The following SLC22A3 variants were observed in gnomAD, a reference collection of about 807,000 sequenced individuals.
SLC22A3 encodes solute carrier family 22 member 3.
Under a neutral mutation model 59.1 loss-of-function variants are expected in SLC22A3, and 51 were observed. That is an observed-to-expected ratio of 0.86 (90% CI 0.69 to 1.09). The LOEUF is 1.09. Ranked by LOEUF, SLC22A3 falls within the 50% of genes least tolerant of loss-of-function variation. The probability of loss-of-function intolerance (pLI) is 0.00; values close to 1 mark genes in which losing one functional copy is unlikely to be tolerated. For missense variants in SLC22A3, 711 were observed against 726.3 expected, an observed-to-expected ratio of 0.98 and a Z score of 0.24; for synonymous variants, 325 against 292.0, an observed-to-expected ratio of 1.11 and a Z score of -1.15.
chr6:160,424,446 C>G (rs2114890100), intron 5 of SLC22A3, among the ~76,000 whole-genome samples: 1 of 152,302 alleles, frequency 6.6e-6, no homozygotes, highest in African/African-American at 2.4e-5. Context: ...ATTAATCAGA[C>G]ATCCTCATAC....
intron 1 of SLC22A3, 99 bp downstream of exon 1, chr6:160,348,947 G>A (rs927496469): frequency 1.3e-6 from 2 of 1,529,324 alleles, no homozygotes; most frequent in Non-Finnish European, 1.7e-6. Flanking sequence ...AGGGGAGGTC[G>A]GTGGAGACGG....
At chr6:160,411,114 A>G (rs930333728) in intron 5 of SLC22A3, among the ~76,000 whole-genome samples, 3 of 152,146 alleles carry the variant, frequency 2.0e-5, no homozygotes, top group African/African-American at 7.2e-5. Context: ...TATTAGCATT[A>G]TAGCCAAGGT....
At chr6:160,427,319 C>T (rs1341148260) in intron 5 of SLC22A3, among the ~76,000 whole-genome samples, 2 of 152,188 alleles carry the variant, frequency 1.3e-5, no homozygotes, top group South Asian at 2.1e-4. Flanking sequence ...AGAATGTAGT[C>T]GGGACTTGCC....
At chr6:160,378,861 C>T (rs1411755032) in intron 1 of SLC22A3, among the ~76,000 whole-genome samples, 1 of 152,104 alleles carries the variant, frequency 6.6e-6, no homozygotes, top group Non-Finnish European at 1.5e-5. Context: ...CCCTTGTGAT[C>T]GCATCACTGA....
rs433175 is a variant in SLC22A3 at position 160,424,782 on chromosome 6, C to T, written c.976-11998C>T. On this transcript the variant is annotated intron_variant, in intron 5 of 10. Transcript: ENST00000275300. Reference sequence around the variant, plus strand: ...TTTCTGGCTTACATTTCAGAGCCAACACATGACAAATAGTTTAGATCTTGA... The same window carrying T: ...TTTCTGGCTTACATTTCAGAGCCAATACATGACAAATAGTTTAGATCTTGA... Among the ~76,000 whole-genome samples, 399 of 152,302 alleles carry T rather than the reference C, an allele frequency of 2.6e-3. 13 individuals carry two copies. In the East Asian group the frequency reaches 0.064, roughly 24 times the overall value.
chr6:160,409,079 G>T, intron 4 of SLC22A3, among the ~76,000 whole-genome samples, 158 bp downstream of exon 4: 1 of 123,570 alleles, frequency 8.1e-6, no homozygotes. Context: ...GTGCAGGTTA[G>T]TTACATATGT....
intron 2 of SLC22A3, among the ~76,000 whole-genome samples, chr6:160,406,036 T>A (rs1395403086): frequency 2.0e-5 from 3 of 152,132 alleles, no homozygotes; most frequent in African/African-American, 7.2e-5. Context: ...CACATAGAAT[T>A]TGCAACATCA....
intron 1 of SLC22A3, among the ~76,000 whole-genome samples, chr6:160,368,548 C>A (rs1785286391): frequency 6.6e-6 from 1 of 152,194 alleles, no homozygotes; most frequent in African/African-American, 2.4e-5. Flanking sequence ...TGTTCCTCTG[C>A]AGCTGAGCAC....
chr6:160,448,411 ATAAG>A (rs1788825815), intron 10 of SLC22A3, among the ~76,000 whole-genome samples: 1 of 152,232 alleles, frequency 6.6e-6, no homozygotes, highest in Admixed American at 6.5e-5. Context: ...TCATAGATAG[ATAAG>A]TGATAGTAGA....
chr6:160,418,318 C>T (rs10455782), intron 5 of SLC22A3, among the ~76,000 whole-genome samples: 37,286 of 152,118 alleles, frequency 0.25, 5,412 homozygotes, highest in Non-Finnish European at 0.33. Context: ...GTTCTTCTTG[C>T]ACTTACATGA....
intron 10 of SLC22A3, among the ~76,000 whole-genome samples, chr6:160,449,951 A>G (rs1788887355): frequency 6.6e-6 from 1 of 152,218 alleles, no homozygotes; most frequent in East Asian, 1.9e-4. Flanking sequence ...AAAGGAGAAC[A>G]AAGATCACAA....
chr6:160,443,517 A>G, intron 8 of SLC22A3, 113 bp from the exon 9 acceptor site: 1 of 747,756 alleles, frequency 1.3e-6, no homozygotes, highest in Non-Finnish European at 2.3e-6. Context: ...AAAGTTAGAA[A>G]ATGCAAAGTA....
chr6:160,426,172 A>G, intron 5 of SLC22A3: 1 of 985,434 alleles, frequency 1.0e-6, no homozygotes, highest in Non-Finnish European at 1.2e-6. Flanking sequence ...GCTATACCTG[A>G]CTTTCTCTGG....
chr6:160,381,076 A>G (rs1389537869), intron 1 of SLC22A3, among the ~76,000 whole-genome samples: 1 of 152,222 alleles, frequency 6.6e-6, no homozygotes, highest in African/African-American at 2.4e-5. Context: ...GAATAAATAC[A>G]AAAAGCCCAA....
intron 7 of SLC22A3, among the ~76,000 whole-genome samples, chr6:160,442,500 T>C (rs2048327): frequency 0.29 from 43,698 of 152,184 alleles, 7,753 homozygotes; most frequent in East Asian, 0.46. Context: ...TGGCTGCTCA[T>C]GCTCAACAAA....
intron 1 of SLC22A3, among the ~76,000 whole-genome samples, chr6:160,383,166 C>T (rs75908401): frequency 0.024 from 3,704 of 152,254 alleles, 149 homozygotes; most frequent in Middle Eastern, 0.11. Flanking sequence ...GTCAGCAGTT[C>T]GAGTGAACTT....
At chr6:160,363,047 G>C (rs1472234727) in intron 1 of SLC22A3, among the ~76,000 whole-genome samples, 1 of 152,202 alleles carries the variant, frequency 6.6e-6, no homozygotes, top group Non-Finnish European at 1.5e-5. Flanking sequence ...CCGGGGACTC[G>C]GGCAGCTATT....
chr6:160,414,270 T>C (rs1247797402), intron 5 of SLC22A3, among the ~76,000 whole-genome samples: 1 of 152,216 alleles, frequency 6.6e-6, no homozygotes, highest in African/African-American at 2.4e-5. Flanking sequence ...ATGACAATAT[T>C]CTCATCTTAT....
At chr6:160,422,486 T>C (rs1158442496) in intron 5 of SLC22A3, among the ~76,000 whole-genome samples, 1 of 152,220 alleles carries the variant, frequency 6.6e-6, no homozygotes, top group Non-Finnish European at 1.5e-5. Flanking sequence ...ATGTGGGGGC[T>C]GATGGTGGGA....
Sources: allele counts gnomAD v4.1 joint callset (sites outside exome capture counted in the v4.1 genomes callset), GRCh38; gene constraint gnomAD v4.1.1; transcripts MANE v1.5; gene names NCBI Gene and HGNC (gene_info 2026-07-23, HGNC 2026-07-21).